The following VPS13A variants were observed in gnomAD, a reference collection of about 807,000 sequenced individuals.
VPS13A encodes vacuolar protein sorting 13 homolog A, also known as intermembrane lipid transfer protein VPS13A.
VPS13A carries 264 observed loss-of-function variants against 390.9 expected under a neutral mutation model. The ratio of observed to expected loss-of-function variants is 0.68; its 90% CI spans 0.61 to 0.75. The LOEUF (loss-of-function observed/expected upper bound fraction) is 0.75. VPS13A is among the 30% of genes least tolerant of loss of function. The pLI is 0.00. For missense variants in VPS13A, 3,409 were observed against 3,733.9 expected, an observed-to-expected ratio of 0.91 and a Z score of 2.27; for synonymous variants, 1,231 against 1,227.1, an observed-to-expected ratio of 1.00 and a Z score of -0.07.
chr9:77,317,749 TA>T (rs1829487815), intron 40 of VPS13A, 51 bp downstream of exon 40: 1 of 1,388,862 alleles, frequency 7.2e-7, no homozygotes, highest in Admixed American at 2.0e-5. Flanking sequence ...AAAAAAGTAG[TA>T]AAGCCTAGAA....
intron 53 of VPS13A, 75 bp downstream of exon 53, chr9:77,351,521 C>T (rs1478986673): frequency 1.6e-5 from 25 of 1,560,242 alleles, no homozygotes; most frequent in South Asian, 3.3e-5. Context: ...CGGTGGCTCA[C>T]GCCTGTAATC....
intron 9 of VPS13A, 128 bp downstream of exon 9, chr9:77,213,442 G>A: frequency 1.4e-6 from 1 of 722,332 alleles, no homozygotes; most frequent in South Asian, 1.6e-5. Flanking sequence ...AGAATTTACA[G>A]ATACAGGTGA....
intron 33 of VPS13A, among the ~76,000 whole-genome samples, chr9:77,297,261 T>A (rs962167815): frequency 2.6e-5 from 4 of 152,138 alleles, no homozygotes; most frequent in African/African-American, 7.2e-5. Context: ...GAGTACTTTA[T>A]AATATTGTGC....
chr9:77,262,585 C>G (rs936288495), intron 23 of VPS13A, among the ~76,000 whole-genome samples: 1 of 152,032 alleles, frequency 6.6e-6, no homozygotes, highest in Non-Finnish European at 1.5e-5. Flanking sequence ...CCTCCCCTAG[C>G]CCCCGACCCC....
chr9:77,221,386 T>A, intron 13 of VPS13A, 30 bp downstream of exon 13: 1 of 1,609,610 alleles, frequency 6.2e-7, no homozygotes, highest in Non-Finnish European at 8.5e-7. Context: ...TTGTTGAGTG[T>A]TTTATACTAC....
chr9:77,319,500 A>G (rs1829611573), intron 41 of VPS13A, 72 bp from the exon 42 acceptor site: 2 of 1,041,614 alleles, frequency 1.9e-6, no homozygotes. Flanking sequence ...TATAGAAGAA[A>G]TAACAGGGCT....
At chr9:77,319,510 TA>T in intron 41 of VPS13A, 61 bp from the exon 42 acceptor site, 1 of 1,166,362 alleles carries the variant, frequency 8.6e-7, no homozygotes, top group Non-Finnish European at 1.3e-6. Flanking sequence ...ATAACAGGGC[TA>T]AAAAACATGG....
intron 68 of VPS13A, among the ~76,000 whole-genome samples, chr9:77,389,392 A>G (rs1049971025): frequency 5.3e-5 from 8 of 150,556 alleles, no homozygotes; most frequent in African/African-American, 2.0e-4. Flanking sequence ...CTGTATCCTC[A>G]AACTATGGAC....
intron 24 of VPS13A, 89 bp downstream of exon 24, chr9:77,273,453 G>T: frequency 9.5e-7 from 1 of 1,052,500 alleles, no homozygotes; most frequent in Non-Finnish European, 1.4e-6. Flanking sequence ...ACCACACAGA[G>T]GAAGGAAAAT....
intron 68 of VPS13A, among the ~76,000 whole-genome samples, chr9:77,386,699 AT>A (rs35125170): frequency 1.6e-4 from 23 of 141,734 alleles, no homozygotes; most frequent in East Asian, 6.2e-4. Context: ...TGTGCTCTTT[AT>A]TTTTTTTTTT....
At chr9:77,366,606 C>G in intron 60 of VPS13A, 121 bp from the exon 61 acceptor site, 1 of 830,744 alleles carries the variant, frequency 1.2e-6, no homozygotes, top group Non-Finnish European at 1.9e-6. Context: ...TTAACATAAT[C>G]CAGATAACTT....
chr9:77,182,101 C>T (rs1339835233), intron 1 of VPS13A, among the ~76,000 whole-genome samples: 1 of 151,860 alleles, frequency 6.6e-6, no homozygotes, highest in Non-Finnish European at 1.5e-5. Context: ...TTTTCTTTTT[C>T]TTTTCTTTTT....
chr9:77,342,643 T>G lies in VPS13A; in HGVS notation c.7027-1510T>G, dbSNP rs192612759. Among the ~76,000 whole-genome samples, 676 of 152,302 alleles carry G rather than the reference T, an allele frequency of 4.4e-3. 8 individuals are homozygous for G. Among genetic ancestry groups the G allele is most frequent in the African/African-American group, 0.015 (638 of 41,564 alleles). On this transcript the variant is annotated intron_variant, in intron 50 of 71. Coordinates refer to ENST00000360280, the MANE Select transcript of VPS13A (RefSeq NM_033305.3). ...ACTTTTGGGCTATGTGTATAAGGTG[T>G]ATGTGAAACATAAATGAATTTTATG...
chr9:77,181,471 A>G (rs968200825), intron 1 of VPS13A, among the ~76,000 whole-genome samples: 1 of 148,994 alleles, frequency 6.7e-6, no homozygotes, highest in Non-Finnish European at 1.5e-5. Context: ...AGCTGAGATC[A>G]CACCATTGCC....
chr9:77,395,232 G>A (rs1834074350), intron 68 of VPS13A, among the ~76,000 whole-genome samples: 1 of 152,112 alleles, frequency 6.6e-6, no homozygotes, highest in East Asian at 1.9e-4. Context: ...AACACTTAGA[G>A]GTCATTGTAG....
chr9:77,221,528 G>A (rs1173764495), intron 13 of VPS13A, among the ~76,000 whole-genome samples, 172 bp downstream of exon 13: 1 of 151,946 alleles, frequency 6.6e-6, no homozygotes. Flanking sequence ...TACAAGATTT[G>A]TTGAAATTCT....
intron 52 of VPS13A, among the ~76,000 whole-genome samples, chr9:77,347,665 A>G (rs986752711): frequency 2.6e-5 from 4 of 152,036 alleles, no homozygotes; most frequent in African/African-American, 9.7e-5. Flanking sequence ...TTTTTTATCT[A>G]TCTCTATATA....
rs3216012 is a variant in VPS13A, at chr9:77,307,929, CT to C, written c.3961-6del. On this transcript the variant is annotated splice_polypyrimidine_tract_variant and intron_variant, in intron 34 of 71. Coordinates refer to ENST00000360280, the MANE Select transcript of VPS13A (RefSeq NM_033305.3). ...AGTAGCAGTGCTAAAAAGAACAAATCTTTTTTTTTTAACAGTTCATTCTTAG... is the reference window on the plus strand; with the variant it reads ...AGTAGCAGTGCTAAAAAGAACAAATCTTTTTTTTTAACAGTTCATTCTTAG... 0.013 allele frequency: 17,878 copies of C among 1,411,886 alleles called. 234 individuals are homozygous for C. The highest frequency in any genetic ancestry group is 0.052 in the South Asian group (4,270 of 81,376). The allele number at this position is 1,411,886 out of a possible 1,614,324, so 87.5% of individuals were successfully genotyped here. A position where few individuals can be genotyped will look rare whatever the true frequency, so the allele number is the denominator to read the frequency against.
chr9:77,362,377 A>G (rs947454003), intron 59 of VPS13A, among the ~76,000 whole-genome samples: 5 of 152,170 alleles, frequency 3.3e-5, no homozygotes, highest in African/African-American at 1.2e-4. Flanking sequence ...CAGTTGTCCT[A>G]TTACCATTTC....
Sources: gnomAD v4.1 joint callset for allele counts (sites outside exome capture counted in the v4.1 genomes callset) on GRCh38, gnomAD v4.1.1 for gene constraint, MANE v1.5 for transcripts, NCBI Gene and HGNC (gene_info 2026-07-23, HGNC 2026-07-21) for gene names.